The following CSMD1 variants were observed in gnomAD, a reference collection of about 807,000 sequenced individuals.
The protein encoded by CSMD1 is CUB and sushi domain-containing protein 1.
A neutral mutation model predicts 417.5 loss-of-function variants in CSMD1; 213 were observed. The observed-to-expected ratio is 0.51, with a 90% confidence interval of 0.46 to 0.57. CSMD1 has a LOEUF of 0.57. Among genes scored for constraint, CSMD1 ranks in the 20% least tolerant of loss-of-function variants. The pLI is 0.00. For synonymous variants in CSMD1, 2,862 were observed against 1,736.8 expected (o/e 1.65, Z -16.11); for missense variants, 6,923 against 4,529.7 (o/e 1.53, Z -15.17).
At chr8:3,075,065 C>G (rs772209704) in intron 49 of CSMD1, among the ~76,000 whole-genome samples, 1 of 151,692 alleles carries the variant, frequency 6.6e-6, no homozygotes, top group African/African-American at 2.4e-5. Context: ...GCATGTAACA[C>G]CTCCCCTCTC....
chr8:4,695,470 C>A (rs1440307229), intron 1 of CSMD1, among the ~76,000 whole-genome samples: 1 of 152,122 alleles, frequency 6.6e-6, no homozygotes, highest in East Asian at 1.9e-4. Context: ...TCAGTTGTTG[C>A]CTCTCCTTTA....
At chr8:3,987,658 G>A (rs1005746548) in intron 5 of CSMD1, among the ~76,000 whole-genome samples, 1 of 152,198 alleles carries the variant, frequency 6.6e-6, no homozygotes, top group Non-Finnish European at 1.5e-5. Flanking sequence ...AAGCAGAAGA[G>A]ACAGTTCCCA....
At chr8:4,311,022 G>C (rs73504645) in intron 3 of CSMD1, among the ~76,000 whole-genome samples, 5,528 of 152,282 alleles carry the variant, frequency 0.036, 344 homozygotes, top group African/African-American at 0.13. Flanking sequence ...AGGATGTGGA[G>C]AAAAGGGAAC....
At chr8:3,293,998 G>C (rs144176584) in intron 25 of CSMD1, among the ~76,000 whole-genome samples, 1,922 of 147,922 alleles carry the variant, frequency 0.013, 26 homozygotes, top group Non-Finnish European at 0.02. Flanking sequence ...GTACAGATGG[G>C]GTTTTGGTGT....
chr8:4,787,990 A>G, intron 1 of CSMD1: 1 of 1,594,196 alleles, frequency 6.3e-7, no homozygotes, highest in South Asian at 1.1e-5. Context: ...CAACAGAAAG[A>G]CAAACAGTGT....
At chr8:4,323,621 C>T (rs1185288358) in intron 3 of CSMD1, among the ~76,000 whole-genome samples, 2 of 151,936 alleles carry the variant, frequency 1.3e-5, no homozygotes, top group African/African-American at 4.8e-5. Flanking sequence ...GCGACAGAAA[C>T]CAGAAGACAT....
In CSMD1 at chr8:4,175,597, C is replaced by T. The variant is rs369427363; in HGVS notation, c.416-143498G>A. On this transcript the variant is annotated intron_variant, in intron 3 of 69. Transcript: ENST00000635120. Reference sequence around the variant, plus strand: ...AAGGTATATTAGGAGAGTAAATATACAATGATCACGCAATTATCACAGCAT... The same window carrying T: ...AAGGTATATTAGGAGAGTAAATATATAATGATCACGCAATTATCACAGCAT... Among the ~76,000 whole-genome samples the T allele has an allele frequency of 4.6e-4, 70 of 152,146 alleles. 1 individual carries two copies. Among genetic ancestry groups the T allele is most frequent in the Admixed American group, 1.3e-3 (20 of 15,276 alleles).
chr8:4,353,732 G>T (rs773505621), intron 3 of CSMD1, among the ~76,000 whole-genome samples: 2 of 146,470 alleles, frequency 1.4e-5, no homozygotes, highest in Non-Finnish European at 3.0e-5. Context: ...AGTTTTTGTT[G>T]GGGTTCATGG....
chr8:4,972,053 G>A (rs373290273), intron 1 of CSMD1, among the ~76,000 whole-genome samples: 6 of 152,062 alleles, frequency 3.9e-5, no homozygotes, highest in Non-Finnish European at 8.8e-5. Flanking sequence ...AAAAGCCAAG[G>A]TGAAGAGGTA....
intron 25 of CSMD1, among the ~76,000 whole-genome samples, chr8:3,303,167 G>T (rs1040041200): frequency 6.6e-6 from 1 of 152,164 alleles, no homozygotes; most frequent in Non-Finnish European, 1.5e-5. Context: ...TTCCTGAGTG[G>T]CCTCATACCT....
At chr8:4,894,702 G>GTGTGTT (rs1166997651) in intron 1 of CSMD1, among the ~76,000 whole-genome samples, 2 of 150,920 alleles carry the variant, frequency 1.3e-5, no homozygotes, top group Admixed American at 6.6e-5. Flanking sequence ...GAAAGACTGT[G>GTGTGTT]TGTGTGTGTG....
At chr8:4,463,623 A>G (rs1799974965) in intron 2 of CSMD1, among the ~76,000 whole-genome samples, 2 of 152,256 alleles carry the variant, frequency 1.3e-5, no homozygotes, top group African/African-American at 4.8e-5. Context: ...AACCTTGAAA[A>G]CCTACTAAAT....
intron 1 of CSMD1, among the ~76,000 whole-genome samples, chr8:4,747,048 C>A (rs1311974443): frequency 2.0e-5 from 3 of 152,122 alleles, no homozygotes; most frequent in Admixed American, 2.0e-4. Context: ...GGCCTCCCCA[C>A]CAGAATGGAT....
Position 3,243,480 on chromosome 8 carries a change from T to C in CSMD1, c.4154-13249A>G, listed in dbSNP as rs187573135. ...ATTACAGTCAAAGGGGGTTGTTTTC[T>C]GGGGGGCAGGTGTGGAGGGGGTCAC... On this transcript the variant is annotated intron_variant, in intron 26 of 69. Coordinates refer to ENST00000635120, the MANE Select transcript of CSMD1 (RefSeq NM_033225.6). 4.1e-3 allele frequency among the ~76,000 whole-genome samples: 407 copies of C among 99,618 alleles called. 4 individuals are homozygous for C. The highest frequency in any genetic ancestry group is 0.015 in the African/African-American group (391 of 25,660). 65.4% of individuals were successfully genotyped at this position (99,618 alleles called of 152,430 possible). A position where few individuals can be genotyped will look rare whatever the true frequency, so the allele number is the denominator to read the frequency against.
At chr8:3,989,750 C>A (rs1321793564) in intron 5 of CSMD1, among the ~76,000 whole-genome samples, 5 of 152,160 alleles carry the variant, frequency 3.3e-5, no homozygotes, top group Non-Finnish European at 7.4e-5. Flanking sequence ...GTGGGAAACG[C>A]TAATGTTCTA....
intron 5 of CSMD1, among the ~76,000 whole-genome samples, chr8:3,783,700 C>T (rs946435578): frequency 1.3e-5 from 2 of 152,216 alleles, no homozygotes; most frequent in Non-Finnish European, 2.9e-5. Context: ...GGAGGCTCCC[C>T]TCCCCTTTGC....
chr8:4,207,629 A>T (rs1800058403), intron 3 of CSMD1, among the ~76,000 whole-genome samples: 1 of 152,156 alleles, frequency 6.6e-6, no homozygotes, highest in Admixed American at 6.5e-5. Flanking sequence ...CATTTTCATT[A>T]TGAAGAGGGG....
rs78156041 is a variant in CSMD1 at position 4,497,967 on chromosome 8, C to G, written c.303-77902G>C. On this transcript the variant is annotated intron_variant, in intron 2 of 69. Transcript: ENST00000635120. ...CCCGTGGGGTTTCCTAAAGACACAA[C>G]AGGAGCGACGTCTGCGTGTAAAATG... Among the ~76,000 whole-genome samples, 256 of 152,248 alleles carry G rather than the reference C, an allele frequency of 1.7e-3. 2 individuals are homozygous for G. The highest frequency in any genetic ancestry group is 6.0e-3 in the African/African-American group (250 of 41,540).
chr8:3,228,445 C>T (rs1279288699), intron 27 of CSMD1, among the ~76,000 whole-genome samples: 9 of 152,276 alleles, frequency 5.9e-5, no homozygotes, highest in South Asian at 4.1e-4. Context: ...ATAACACCTA[C>T]GCATGTAGGC....
Sources: allele counts gnomAD v4.1 joint callset (sites outside exome capture counted in the v4.1 genomes callset), GRCh38; gene constraint gnomAD v4.1.1; transcripts MANE v1.5; gene names NCBI Gene and HGNC (gene_info 2026-07-23, HGNC 2026-07-21).